The following ADAMTS5 variants were observed in gnomAD, a reference collection of about 807,000 sequenced individuals.
The protein encoded by ADAMTS5 is A disintegrin and metalloproteinase with thrombospondin motifs 5.
In ADAMTS5, 54 loss-of-function variants were observed where a neutral mutation model predicts 81.4. The ratio of observed to expected loss-of-function variants is 0.66; its 90% confidence interval spans 0.53 to 0.83. The LOEUF is 0.83. Ranked by LOEUF, ADAMTS5 falls within the 40% of genes least tolerant of loss-of-function variation. The pLI is 0.00. For missense variants in ADAMTS5, 1,194 were observed against 1,229.9 expected (o/e 0.97, Z 0.44); for synonymous variants, 532 against 508.8 (o/e 1.05, Z -0.61).
At chr21:26,936,813 CAG>C (rs1403891757) in intron 3 of ADAMTS5, among the ~76,000 whole-genome samples, 2 of 152,146 alleles carry the variant, frequency 1.3e-5, no homozygotes, top group Non-Finnish European at 2.9e-5. Context: ...GTTTATAAGA[CAG>C]AGTGCGATTA....
chr21:26,956,861 C>T (rs1987436914), intron 1 of ADAMTS5, among the ~76,000 whole-genome samples: 1 of 152,166 alleles, frequency 6.6e-6, no homozygotes, highest in African/African-American at 2.4e-5. Context: ...TAATCAATTG[C>T]TCATTAGAGG....
At chr21:26,952,359 T>C (rs1421228075) in intron 2 of ADAMTS5, among the ~76,000 whole-genome samples, 1 of 152,250 alleles carries the variant, frequency 6.6e-6, no homozygotes, top group East Asian at 1.9e-4. Flanking sequence ...CACACACATG[T>C]ATATATTTAG....
At chr21:26,946,374 G>A (rs546244008) in intron 2 of ADAMTS5, among the ~76,000 whole-genome samples, 10 of 152,234 alleles carry the variant, frequency 6.6e-5, no homozygotes, top group South Asian at 6.2e-4. Context: ...GAGTGCTCAC[G>A]GTAAAGACGG....
intron 2 of ADAMTS5, among the ~76,000 whole-genome samples, chr21:26,945,029 A>G (rs1406028825): frequency 2.0e-5 from 3 of 152,196 alleles, no homozygotes; most frequent in East Asian, 3.8e-4. Context: ...GGTCAGTAGC[A>G]TAAGTGTGCA....
At chr21:26,936,452 C>CA (rs1368749194) in intron 3 of ADAMTS5, among the ~76,000 whole-genome samples, 2 of 151,950 alleles carry the variant, frequency 1.3e-5, no homozygotes, top group Non-Finnish European at 2.9e-5. Flanking sequence ...TTTTATTCAA[C>CA]AAAAAAGTCA....
chr21:26,935,867 C>T (rs1341036294), intron 3 of ADAMTS5, among the ~76,000 whole-genome samples: 1 of 152,142 alleles, frequency 6.6e-6, no homozygotes, highest in Non-Finnish European at 1.5e-5. Flanking sequence ...TTAGGATTTA[C>T]ACAATTATTA....
Position 26,965,886 on chromosome 21 carries a change from A to G in ADAMTS5, c.506T>C (p.Leu169Pro). Residue 169 changes from leucine (L) to proline (P), a missense_variant, in exon 1 of 8, where the codon CTG becomes CCG. Physicochemically the swap from Leu to Pro is moderately conservative, Grantham distance 98. Around this residue, in one of 2 missense-constraint regions of ADAMTS5, gnomAD observed 498 missense variants for 412.3 expected, o/e 1.21. Transcript: ENST00000284987. Reference protein sequence around the residue: ...KHARYTLKPLLRGPWAEEEKG... With the variant: ...KHARYTLKPLPRGPWAEEEKG... Reference sequence around the variant, plus strand: ...TTCTTCCTCCGCCCAGGGTCCGCGCAGCAGTGGCTTTAGGGTGTAGCGCGC... The same window carrying G: ...TTCTTCCTCCGCCCAGGGTCCGCGCGGCAGTGGCTTTAGGGTGTAGCGCGC... The G allele has an allele frequency of 6.2e-7, 1 of 1,613,910 alleles. No individual in the cohort carries two copies. The highest frequency in any genetic ancestry group is 8.5e-7 in the Non-Finnish European group (1 of 1,179,944).
chr21:26,939,715 GAC>G (rs1987078975), intron 3 of ADAMTS5: 1 of 152,236 alleles, frequency 6.6e-6, no homozygotes. Flanking sequence ...GGATACAGCA[GAC>G]ACAGCTATCT....
intron 6 of ADAMTS5, 105 bp downstream of exon 6, chr21:26,931,895 AACTG>A: frequency 8.7e-7 from 1 of 1,154,028 alleles, no homozygotes; most frequent in Non-Finnish European, 1.2e-6. Flanking sequence ...TCCAAAATCT[AACTG>A]ACCCCAAACT....
chr21:26,918,112 AG>A lies in ADAMTS5; in HGVS notation c.*5940del, dbSNP rs1327303729. On this transcript the variant is annotated 3_prime_UTR_variant, in exon 8 of 8. Transcript: ENST00000284987. ...GAATAACAGAGCTGTTGTGGAATGC[AG>A]GCTACAAGACACAGTAATGCTTTAA... is the stretch of plus-strand genomic sequence containing the variant. 1.3e-5 allele frequency: 2 copies of A among 152,386 alleles called. No homozygotes were observed. Among genetic ancestry groups the A allele is most frequent in the African/African-American group, 4.8e-5 (2 of 41,416 alleles). 9.4% of individuals were successfully genotyped at this position (152,386 alleles called of 1,614,324 possible). A position where few individuals can be genotyped will look rare whatever the true frequency, so the allele number is the denominator to read the frequency against.
intron 7 of ADAMTS5, among the ~76,000 whole-genome samples, chr21:26,925,440 G>A (rs1028022367): frequency 6.6e-6 from 1 of 152,110 alleles, no homozygotes; most frequent in Non-Finnish European, 1.5e-5. Flanking sequence ...TTTATGGTGA[G>A]TGACATATAA....
At position 26,930,081 on chromosome 21, in the gene ADAMTS5, T is replaced by A; in HGVS notation, c.2050-20A>T. On this transcript the variant is annotated intron_variant, in intron 6 of 7. Transcript: ENST00000284987. The stretch of plus-strand genomic sequence containing the variant: ...GGTCACCTGAATCATGGCAAATGCA[T>A]TAGGAGTGGGAAATGTTTGCATCAG... The A allele has an allele frequency of 6.2e-7, 1 of 1,611,568 alleles. No homozygotes were observed.
At chr21:26,958,571 T>C (rs998648325) in intron 1 of ADAMTS5, among the ~76,000 whole-genome samples, 8 of 152,198 alleles carry the variant, frequency 5.3e-5, no homozygotes, top group African/African-American at 1.9e-4. Context: ...TGTCTCTTGA[T>C]ACACCTAAGG....
chr21:26,965,921 C>A lies in ADAMTS5; in HGVS notation c.471G>T (p.Ala157=), dbSNP rs768285645. The A allele has an allele frequency of 2.5e-6, 4 of 1,613,852 alleles. No homozygotes were observed. The Admixed American group carries it at 6.7e-5, about 27-fold the overall frequency. ...TTAGGGTGTAGCGCGCGTGCTTGAC[C>A]GCGAAGAAGCCGTCGAGACCCCCAC... ...DLCGGLDGFF[A]VKHARYTLKP... Residue 157 remains alanine (A), a synonymous_variant, in exon 1 of 8, where the codon GCG becomes GCT. Transcript: ENST00000284987.
chr21:26,965,988 G>T lies in ADAMTS5; in HGVS notation c.404C>A (p.Thr135Lys), dbSNP rs61754847. The T allele has an allele frequency of 2.1e-3, 3,368 of 1,613,254 alleles. 9 individuals carry two copies. The highest frequency in any genetic ancestry group is 2.5e-3 in the Non-Finnish European group (2,896 of 1,179,830). ...RHRSHCFYRG[T>K]VDGSPRSLAV... The stretch of plus-strand genomic sequence containing the variant: ...CAGAGAGCGGGGACTACCGTCCACT[G>T]TGCCCCGATAGAAGCAGTGGCTCCG... The change falls in exon 1 of 8, where the codon ACA (threonine) becomes AAA (lysine). Residue 135 changes from threonine (T) to lysine (K), a missense_variant. Around this residue, in one of 2 missense-constraint regions of ADAMTS5, gnomAD observed 498 missense variants for 412.3 expected, o/e 1.21. Transcript: ENST00000284987.
At chr21:26,955,796 A>C (rs548763713) in intron 1 of ADAMTS5, among the ~76,000 whole-genome samples, 1 of 152,210 alleles carries the variant, frequency 6.6e-6, no homozygotes, top group Non-Finnish European at 1.5e-5. Flanking sequence ...ATTTTCCATG[A>C]AAATTTACTA....
At position 26,965,542 on chromosome 21, in the gene ADAMTS5, C is replaced by T. The variant is rs576660343; in HGVS notation, c.850G>A (p.Gly284Ser). The T allele has an allele frequency of 3.7e-6, 6 of 1,612,966 alleles. No homozygotes were observed. In the East Asian group the frequency reaches 6.7e-5, roughly 18 times the overall value. Residue 284 changes from glycine (G) to serine (S), a missense_variant, in exon 1 of 8, where the codon GGC (glycine) becomes AGC (serine). Transcript: ENST00000284987. ...VADASMARLY[G>S]RGLQHYLLTL... ...AGCAGGTAATGCTGCAGGCCCCGGCCATACAACCGCGCCATGGACGCGTCA... is the reference window on the plus strand; with the variant it reads ...AGCAGGTAATGCTGCAGGCCCCGGCTATACAACCGCGCCATGGACGCGTCA...
chr21:26,928,811 T>C (rs1403135070), intron 7 of ADAMTS5, among the ~76,000 whole-genome samples: 1 of 151,966 alleles, frequency 6.6e-6, no homozygotes, highest in African/African-American at 2.4e-5. Flanking sequence ...CTGGCATTCA[T>C]CAGCCATGGA....
chr21:26,940,736 G>A (rs76667401), intron 3 of ADAMTS5, among the ~76,000 whole-genome samples: 1,806 of 152,162 alleles, frequency 0.012, 30 homozygotes, highest in African/African-American at 0.04. Context: ...TTGTGACATC[G>A]TTTAGTCTTC....
Sources: gnomAD v4.1 joint callset for allele counts (sites outside exome capture counted in the v4.1 genomes callset) on GRCh38, gnomAD v4.1.1 for gene constraint, gnomAD v4.1.1 regional missense constraint, MANE v1.5 for transcripts, NCBI Gene and HGNC (gene_info 2026-07-23, HGNC 2026-07-21) for gene names.